Variants in CCDC180 observed in about 807,000 individuals in gnomAD.
CCDC180 encodes the protein coiled-coil domain-containing protein 180.
CCDC180 carries 154 observed loss-of-function variants against 209.2 expected under a neutral mutation model. The ratio of observed to expected loss-of-function variants is 0.74; its 90% CI spans 0.65 to 0.84. The LOEUF (loss-of-function observed/expected upper bound fraction) is 0.84, where lower values mean the gene tolerates loss of function less well. Among genes scored for constraint, CCDC180 ranks in the 40% least tolerant of loss-of-function variants. The pLI is 0.00. For synonymous variants in CCDC180, 778 were observed against 749.1 expected (o/e 1.04, Z -0.63); for missense variants, 1,874 against 1,997.3 (o/e 0.94, Z 1.18).
chr9:97,353,103 TG>T (rs1187133612), intron 22 of CCDC180, among the ~76,000 whole-genome samples: 101 of 152,292 alleles, frequency 6.6e-4, no homozygotes, highest in African/African-American at 2.2e-3. Context: ...TTCGAGCGAT[TG>T]TCCTGCCTCA....
rs200715649 is a variant in CCDC180 at position 97,361,807 on chromosome 9, G to A, written c.3565G>A (p.Val1189Met). The A allele has an allele frequency of 5.8e-5, 94 of 1,614,200 alleles. No homozygotes were observed. The Admixed American group carries it at 7.3e-4, about 13-fold the overall frequency. The part of the protein sequence containing the change: ...EALEEEAKLD[V>M]VTPESFTQLS... ...CCTTGAAGAGGAGGCCAAGCTGGAC[G>A]TGGTCACCCCTGAGTCCTTCACCCA... Residue 1189 changes from valine (V) to methionine (M), a missense_variant, in exon 27 of 37, where the codon GTG becomes ATG. By Grantham distance (21) the Val-to-Met change is conservative (BLOSUM62 1). Transcript: ENST00000529487.
intron 21 of CCDC180, 111 bp from the exon 22 acceptor site, chr9:97,350,298 G>A (rs118093974): frequency 0.019 from 20,265 of 1,056,430 alleles, 258 homozygotes; most frequent in South Asian, 0.038. Flanking sequence ...GGTCATTATC[G>A]TGACCGGCCC....
chr9:97,345,535 C>T (rs1464523244), intron 19 of CCDC180: 3 of 403,828 alleles, frequency 7.4e-6, no homozygotes, highest in Non-Finnish European at 1.4e-5. Context: ...AAATCTTTTG[C>T]CTATTATTTT....
chr9:97,313,370 CTTCCCTTCCT>C, intron 5 of CCDC180, 25 bp downstream of exon 5: 2 of 1,528,304 alleles, frequency 1.3e-6, no homozygotes, highest in Non-Finnish European at 1.8e-6. Context: ...TCTCCCTTCT[CTTCCCTTCCT>C]GTGCCATTCC....
Position 97,313,219 on chromosome 9 carries a change from CTGT to C in CCDC180, c.350-11_350-9del. 1 of 1,571,294 alleles carries C rather than the reference CTGT, an allele frequency of 6.4e-7. No homozygotes were observed. Among genetic ancestry groups the C allele is most frequent in the Non-Finnish European group, 8.7e-7 (1 of 1,143,604 alleles). ...AGCTCTGAAGGCAGCCTCATCACCT[CTGT>C]TGTTGCTCCGCAGTTCCTGAGAAGA... On this transcript the variant is annotated splice_polypyrimidine_tract_variant and intron_variant, in intron 4 of 36. Transcript: ENST00000529487.
rs763409416 is a variant in CCDC180, at chr9:97,347,496, A to G, written c.2674+7A>G. 2 of 1,534,758 alleles carry G rather than the reference A, an allele frequency of 1.3e-6. No individual in the cohort carries two copies. Among genetic ancestry groups the G allele is most frequent in the South Asian group, 1.2e-5 (1 of 83,938 alleles). ...ATCCACAACGTCAGGGCAGGTACAGATGCTGCCTGGGAATGTCTGCCCTGC... is the reference window on the plus strand; with the variant it reads ...ATCCACAACGTCAGGGCAGGTACAGGTGCTGCCTGGGAATGTCTGCCCTGC... On this transcript the variant is annotated splice_region_variant and intron_variant, in intron 20 of 36. Coordinates refer to ENST00000529487, the MANE Select transcript of CCDC180 (RefSeq NM_020893.6).
At chr9:97,314,318 C>A in intron 5 of CCDC180, 75 bp from the exon 6 acceptor site, 2 of 1,557,364 alleles carry the variant, frequency 1.3e-6, no homozygotes, top group Non-Finnish European at 1.8e-6. Flanking sequence ...CCTGGCACTT[C>A]CCCCATGACA....
At chr9:97,339,382 G>A (rs1057498887) in intron 18 of CCDC180, among the ~76,000 whole-genome samples, 20 of 152,266 alleles carry the variant, frequency 1.3e-4, no homozygotes, top group African/African-American at 4.6e-4. Flanking sequence ...GCATTTGCTT[G>A]TCTGTAAAGG....
chr9:97,357,433 C>T (rs566860882), intron 24 of CCDC180, among the ~76,000 whole-genome samples, 194 bp from the exon 25 acceptor site: 3 of 152,300 alleles, frequency 2.0e-5, no homozygotes, highest in East Asian at 3.9e-4. Flanking sequence ...GCCAATTTTG[C>T]TTGAACCTTA....
intron 28 of CCDC180, 39 bp from the exon 29 acceptor site, chr9:97,364,012 C>T (rs1826841996): frequency 6.3e-7 from 1 of 1,595,308 alleles, no homozygotes; most frequent in Admixed American, 1.7e-5. Context: ...TTGCGTCTGT[C>T]CACAGCCTCC....
intron 22 of CCDC180, among the ~76,000 whole-genome samples, chr9:97,351,225 C>T (rs1826411562): frequency 6.6e-6 from 1 of 152,178 alleles, no homozygotes. Flanking sequence ...TTGAGAGGAA[C>T]CATCATACTG....
intron 5 of CCDC180, 112 bp downstream of exon 5, chr9:97,313,457 A>T: frequency 1.4e-6 from 1 of 691,690 alleles, no homozygotes; most frequent in Non-Finnish European, 2.5e-6. Context: ...TCAGGGGCTC[A>T]CAGAGCCTTA....
At chr9:97,375,652 G>T in intron 36 of CCDC180, 63 bp downstream of exon 36, 2 of 1,598,506 alleles carry the variant, frequency 1.3e-6, no homozygotes, top group Non-Finnish European at 1.7e-6. Flanking sequence ...CCTTGGGAAG[G>T]GGGAGCTTCC....
intron 26 of CCDC180, among the ~76,000 whole-genome samples, chr9:97,360,592 G>A (rs1207902245): frequency 6.6e-6 from 1 of 152,110 alleles, no homozygotes; most frequent in Non-Finnish European, 1.5e-5. Context: ...TACCCTCGGG[G>A]CAAAGTCCAA....
intron 18 of CCDC180, among the ~76,000 whole-genome samples, chr9:97,342,420 T>C (rs1225795984): frequency 6.6e-6 from 1 of 152,144 alleles, no homozygotes; most frequent in Non-Finnish European, 1.5e-5. Flanking sequence ...CCCAATCCTA[T>C]TCAACCATCT....
intron 24 of CCDC180, among the ~76,000 whole-genome samples, chr9:97,356,104 TG>T (rs1826577637): frequency 6.6e-6 from 1 of 152,030 alleles, no homozygotes; most frequent in African/African-American, 2.4e-5. Flanking sequence ...AATCATGGCC[TG>T]GGCACAATGT....
chr9:97,315,749 C>T (rs1012919583), intron 8 of CCDC180, among the ~76,000 whole-genome samples: 1 of 152,096 alleles, frequency 6.6e-6, no homozygotes, highest in Non-Finnish European at 1.5e-5. Flanking sequence ...CATGGCGACC[C>T]AGATAAAGCA....
At chr9:97,322,195 C>T (rs1158059351) in intron 11 of CCDC180, among the ~76,000 whole-genome samples, 3 of 152,146 alleles carry the variant, frequency 2.0e-5, no homozygotes, top group Admixed American at 6.5e-5. Flanking sequence ...AGCTTCTTTT[C>T]ATCAGTTCTA....
At chr9:97,309,035 T>C (rs1267166355) in intron 2 of CCDC180, among the ~76,000 whole-genome samples, 1 of 152,238 alleles carries the variant, frequency 6.6e-6, no homozygotes, top group African/African-American at 2.4e-5. Context: ...CCTCAGGTTA[T>C]AAAAAATTAT....
Sources: gnomAD v4.1 joint callset for allele counts (sites outside exome capture counted in the v4.1 genomes callset) on GRCh38, gnomAD v4.1.1 for gene constraint, MANE v1.5 for transcripts, NCBI Gene and HGNC (gene_info 2026-07-23, HGNC 2026-07-21) for gene names.